Variants in SLC16A4 observed in about 807,000 individuals in gnomAD.
SLC16A4 encodes the protein solute carrier family 16 member 4.
In SLC16A4, 39 loss-of-function variants were observed where a neutral mutation model predicts 47.9. The ratio of observed to expected loss-of-function variants is 0.81; its 90% confidence interval spans 0.63 to 1.06. The LOEUF (loss-of-function observed/expected upper bound fraction) is 1.06, where lower values mean the gene tolerates loss of function less well. Among genes scored for constraint, SLC16A4 ranks in the 50% least tolerant of loss-of-function variants. SLC16A4 has a pLI of 0.00. For synonymous variants in SLC16A4, 189 were observed against 199.9 expected (o/e 0.95, Z 0.46); for missense variants, 524 against 573.8 (o/e 0.91, Z 0.89).
In SLC16A4 at chr1:110,363,811, AAAG is replaced by A; in HGVS notation, c.1416_1418del (p.Phe475del). On this transcript the variant is annotated inframe_deletion, in exon 9 of 9. Transcript: ENST00000369779. The stretch of plus-strand genomic sequence containing the variant: ...ATCTTTCGGCCAATGGTACAAAAAA[AAAG>A]GAAACTGAAGAGAGGAGATAGCATA... 1 of 1,612,702 alleles carries A rather than the reference AAAG, an allele frequency of 6.2e-7. No homozygotes were observed. The highest frequency in any genetic ancestry group is 8.5e-7 in the Non-Finnish European group (1 of 1,179,554).
At chr1:110,364,894 T>C (rs1164136859) in intron 8 of SLC16A4, among the ~76,000 whole-genome samples, 2 of 151,934 alleles carry the variant, frequency 1.3e-5, no homozygotes, top group Non-Finnish European at 2.9e-5. Flanking sequence ...GCGAAACACT[T>C]TTTTTTCTTT....
chr1:110,388,090 A>C (rs552583302), intron 2 of SLC16A4, among the ~76,000 whole-genome samples: 50 of 152,196 alleles, frequency 3.3e-4, no homozygotes, highest in African/African-American at 1.1e-3. Flanking sequence ...GTAGGGGGGA[A>C]GTGTCGGCAA....
At chr1:110,382,596 C>G (rs1307958074) in intron 3 of SLC16A4, among the ~76,000 whole-genome samples, 1 of 152,192 alleles carries the variant, frequency 6.6e-6, no homozygotes, top group African/African-American at 2.4e-5. Flanking sequence ...GCATGAAATA[C>G]TGAATCATGG....
intron 2 of SLC16A4, among the ~76,000 whole-genome samples, chr1:110,383,808 T>G (rs1398209889): frequency 1.3e-5 from 1 of 75,202 alleles, no homozygotes; most frequent in Non-Finnish European, 2.6e-5. Context: ...AAAGGAGGTT[T>G]TTTTTTTTTT....
At position 110,377,174 on chromosome 1, in the gene SLC16A4, TG is replaced by T; in HGVS notation, c.1031-14del. On this transcript the variant is annotated splice_polypyrimidine_tract_variant and intron_variant, in intron 6 of 8. Coordinates refer to ENST00000369779, the MANE Select transcript of SLC16A4 (RefSeq NM_004696.3). ...GTCTCAAGGATACCTGGAACAATAT[TG>T]AAATCTTTTTATTTTCCTGGTCCCT... 1 of 1,605,210 alleles carries T rather than the reference TG, an allele frequency of 6.2e-7. No homozygotes were observed. Among genetic ancestry groups the T allele is most frequent in the Non-Finnish European group, 8.5e-7 (1 of 1,173,006 alleles).
rs1318212298 is a variant in SLC16A4, at chr1:110,363,825, A to T, written c.1405T>A (p.Ser469Thr). 2 of 1,612,896 alleles carry T rather than the reference A, an allele frequency of 1.2e-6. No homozygotes were observed. The change falls in exon 9 of 9, where the codon TCT becomes ACT. Residue 469 changes from serine (S) to threonine (T), a missense_variant. Physicochemically the swap from Ser to Thr is moderately conservative, Grantham distance 58 (BLOSUM62 1). Transcript: ENST00000369779. ...GGTACAAAAAAAAAGGAAACTGAAG[A>T]GAGGAGATAGCATATGCCAGAGAAG... Reference protein sequence around the residue: ...FYFSGICYLLSSVSFFFVPLA... With the variant: ...FYFSGICYLLTSVSFFFVPLA...
At chr1:110,364,018 T>G in intron 8 of SLC16A4, 125 bp from the exon 9 acceptor site, 2 of 906,958 alleles carry the variant, frequency 2.2e-6, no homozygotes, top group East Asian at 2.8e-5. Context: ...GTGAAGCTTC[T>G]TAGCTGCCCT....
chr1:110,369,155 A>G (rs746211781), intron 8 of SLC16A4, among the ~76,000 whole-genome samples: 1 of 151,944 alleles, frequency 6.6e-6, no homozygotes, highest in Admixed American at 6.6e-5. Flanking sequence ...GGGTTTCACT[A>G]TGTTGGTCAA....
At position 110,363,678 on chromosome 1, in the gene SLC16A4, G is replaced by C; in HGVS notation, c.*88C>G. On this transcript the variant is annotated 3_prime_UTR_variant, in exon 9 of 9. Transcript: ENST00000369779. ...CTTCTCATGTTACAAATGTAGATGC[G>C]ATGTGTTTCTTTCAAGCTTTTGTTT... The C allele has an allele frequency of 8.2e-7, 1 of 1,221,352 alleles. No individual in the cohort carries two copies. Among genetic ancestry groups the C allele is most frequent in the Non-Finnish European group, 1.1e-6 (1 of 896,632 alleles). The allele number at this position is 1,221,352 out of a possible 1,614,324, so 75.7% of individuals were successfully genotyped here.
intron 8 of SLC16A4, chr1:110,373,024 A>G (rs970582413): frequency 5.9e-5 from 9 of 152,308 alleles, no homozygotes; most frequent in Admixed American, 3.3e-4. Flanking sequence ...GTGGTAGTCT[A>G]TCTTTTTCCA....
At position 110,381,106 on chromosome 1, in the gene SLC16A4, C is replaced by T. The variant is rs1451730318; in HGVS notation, c.402G>A (p.Val134=). 3.1e-6 allele frequency: 5 copies of T among 1,613,986 alleles called. No individual in the cohort carries two copies. The highest frequency in any genetic ancestry group is 1.7e-5 in the Admixed American group (1 of 60,012). The change falls in exon 5 of 9, where the codon GTG becomes GTA. Residue 134 remains valine (V), a synonymous_variant. Transcript: ENST00000369779. ...GSAFLYQVAA[V]VTTKYFKKRL... is the part of the protein sequence containing the mutation. The stretch of plus-strand genomic sequence containing the variant: ...GTTTTTTGAAGTATTTGGTAGTTAC[C>T]ACAGCAGCCACTTGGTATAAGAAAG...
In SLC16A4 at chr1:110,390,953, CTT is replaced by C. The variant is rs1663008294; in HGVS notation, c.-123_-122del. Reference sequence around the variant, plus strand: ...TTACACCGTTTTCTGGAATGTTACTCTTTTTCTAAGGCATTTCATTTTGCTGC... The same window carrying C: ...TTACACCGTTTTCTGGAATGTTACTCTTTCTAAGGCATTTCATTTTGCTGC... On this transcript the variant is annotated 5_prime_UTR_variant, in exon 1 of 9. The change abolishes the stop of an existing upstream ORF in the 5' untranslated region. Transcript: ENST00000369779. The C allele has an allele frequency of 6.6e-6, 1 of 152,188 alleles. No homozygotes were observed. The highest frequency in any genetic ancestry group is 2.4e-5 in the African/African-American group (1 of 41,452). The allele number at this position is 152,188 out of a possible 1,614,324, so 9.4% of individuals were successfully genotyped here. A position where few individuals can be genotyped will look rare whatever the true frequency, so the allele number is the denominator to read the frequency against.
At chr1:110,387,466 A>G (rs1662793480) in intron 2 of SLC16A4, among the ~76,000 whole-genome samples, 2 of 152,264 alleles carry the variant, frequency 1.3e-5, no homozygotes, top group South Asian at 4.1e-4. Flanking sequence ...CAGTCATTCA[A>G]GTATCCACAT....
At chr1:110,385,633 T>C (rs568177717) in intron 2 of SLC16A4, among the ~76,000 whole-genome samples, 182 of 152,332 alleles carry the variant, frequency 1.2e-3, no homozygotes, top group Middle Eastern at 6.8e-3. Flanking sequence ...TTTTAAATAA[T>C]GGTCAAGACC....
rs1662179461 is a variant in SLC16A4 at position 110,378,898 on chromosome 1, G to A, written c.985C>T (p.Leu329=). 1 of 1,613,962 alleles carries A rather than the reference G, an allele frequency of 6.2e-7. No individual in the cohort carries two copies. Among genetic ancestry groups the A allele is most frequent in the African/African-American group, 1.3e-5 (1 of 74,920 alleles). ...GAGGCATCCATGATGTCAATCCCCA[G>A]TGTTTTGGCTCTGGCTACCAGGTGA... ...TFHLVARAKT[L]GIDIMDASYL... The change falls in exon 6 of 9, where the codon CTG becomes TTG. Residue 329 remains leucine, a synonymous_variant. Coordinates refer to ENST00000369779, the MANE Select transcript of SLC16A4 (RefSeq NM_004696.3).
chr1:110,372,470 C>T (rs1345640620), intron 8 of SLC16A4: 3 of 152,226 alleles, frequency 2.0e-5, no homozygotes, highest in African/African-American at 7.2e-5. Flanking sequence ...GTTCTGCCTA[C>T]ACCTGCAAGA....
At chr1:110,385,243 G>A (rs188157452) in intron 2 of SLC16A4, among the ~76,000 whole-genome samples, 3 of 152,258 alleles carry the variant, frequency 2.0e-5, no homozygotes, top group Admixed American at 6.5e-5. Context: ...CTACTGGGGC[G>A]TGACCTTGGG....
chr1:110,386,932 T>C (rs1397678711), intron 2 of SLC16A4, among the ~76,000 whole-genome samples: 1 of 152,210 alleles, frequency 6.6e-6, no homozygotes, highest in African/African-American at 2.4e-5. Flanking sequence ...AATAGAGTCT[T>C]GTTATTTCTC....
At chr1:110,372,731 A>G (rs1381823428) in intron 8 of SLC16A4, 1 of 152,238 alleles carries the variant, frequency 6.6e-6, no homozygotes, top group Non-Finnish European at 1.5e-5. Context: ...AAGCTTTAGC[A>G]ACAACCTTAT....
Sources: allele counts gnomAD v4.1 joint callset (sites outside exome capture counted in the v4.1 genomes callset), GRCh38; gene constraint gnomAD v4.1.1; transcripts MANE v1.5; gene names NCBI Gene and HGNC (gene_info 2026-07-23, HGNC 2026-07-21).